The following SLC25A36 variants were observed in gnomAD, a reference collection of about 807,000 sequenced individuals.
SLC25A36 encodes the protein solute carrier family 25 member 36.
A neutral mutation model predicts 35.3 loss-of-function variants in SLC25A36; 24 were observed. The observed-to-expected ratio is 0.68, with a 90% CI of 0.49 to 0.96. The LOEUF is 0.96. Among genes scored for constraint, SLC25A36 ranks in the 40% least tolerant of loss-of-function variants. The pLI is 0.00. For missense variants in SLC25A36, 294 were observed against 381.1 expected (o/e 0.77, Z 1.90); for synonymous variants, 141 against 132.2 (o/e 1.07, Z -0.46).
chr3:140,962,851 G>A (rs955008987), intron 3 of SLC25A36, among the ~76,000 whole-genome samples: 2 of 151,090 alleles, frequency 1.3e-5, no homozygotes, highest in Admixed American at 6.6e-5. Flanking sequence ...TGGTTACCAA[G>A]TTTTAGTGAG....
chr3:140,955,642 A>G (rs963273319), intron 1 of SLC25A36, among the ~76,000 whole-genome samples: 1 of 152,138 alleles, frequency 6.6e-6, no homozygotes, highest in Non-Finnish European at 1.5e-5. Context: ...CCTACATTGT[A>G]CAGTTTTCCA....
At chr3:140,955,613 G>A (rs1384758627) in intron 1 of SLC25A36, among the ~76,000 whole-genome samples, 3 of 152,082 alleles carry the variant, frequency 2.0e-5, no homozygotes, top group Non-Finnish European at 4.4e-5. Flanking sequence ...ATTTAAGTTG[G>A]ATTCTTCTAA....
intron 3 of SLC25A36, among the ~76,000 whole-genome samples, chr3:140,962,862 T>C (rs986443139): frequency 2.6e-5 from 4 of 151,894 alleles, no homozygotes; most frequent in African/African-American, 9.7e-5. Context: ...TTTTAGTGAG[T>C]TAAGTGGCTG....
chr3:140,974,043 C>T (rs1430888848), intron 6 of SLC25A36, 38 bp downstream of exon 6: 17 of 1,393,902 alleles, frequency 1.2e-5, no homozygotes, highest in Non-Finnish European at 1.7e-5. Context: ...AATATTTTCC[C>T]ACCCCAGCCA....
chr3:140,969,849 A>C (rs183305147), intron 4 of SLC25A36, among the ~76,000 whole-genome samples: 1 of 151,952 alleles, frequency 6.6e-6, no homozygotes, highest in Admixed American at 6.6e-5. Flanking sequence ...AGCCACCTTT[A>C]TAAAAAGAAT....
intron 4 of SLC25A36, chr3:140,964,783 A>T (rs1361820011): frequency 6.6e-6 from 1 of 151,926 alleles, no homozygotes; most frequent in East Asian, 1.9e-4. Flanking sequence ...TATTTGTTAT[A>T]TCAGTATAGC....
intron 4 of SLC25A36, 184 bp downstream of exon 4, chr3:140,963,411 T>C: frequency 2.0e-6 from 1 of 490,788 alleles, no homozygotes; most frequent in South Asian, 2.6e-5. Context: ...GACATTTTTG[T>C]AGTCAGGAGT....
At chr3:140,959,565 A>C in intron 3 of SLC25A36, 25 bp downstream of exon 3, 3 of 1,249,176 alleles carry the variant, frequency 2.4e-6, no homozygotes, top group Non-Finnish European at 3.2e-6. Context: ...AAATTGTTTA[A>C]AGCAAGTTAT....
chr3:140,958,809 A>G (rs1438940756), intron 2 of SLC25A36, among the ~76,000 whole-genome samples: 1 of 152,160 alleles, frequency 6.6e-6, no homozygotes, highest in East Asian at 1.9e-4. Context: ...ATCGAAGATA[A>G]GAGTAGCATG....
Position 140,941,839 on chromosome 3 carries a change from C to T in SLC25A36, c.-216C>T, listed in dbSNP as rs1428483357. 1.9e-6 allele frequency: 1 copy of T among 516,042 alleles called. No homozygotes were observed. The highest frequency in any genetic ancestry group is 2.5e-5 in the South Asian group (1 of 40,762). The allele number at this position is 516,042 out of a possible 1,614,324, so 32.0% of individuals were successfully genotyped here. A position where few individuals can be genotyped will look rare whatever the true frequency, so the allele number is the denominator to read the frequency against. ...CGCGCTGCGCTGCGTCGCTTTCAGC[C>T]TCTGGTGAAGGGCGGCGCGCTTAGG... On this transcript the variant is annotated 5_prime_UTR_variant, in exon 1 of 7. Coordinates refer to ENST00000324194, the MANE Select transcript of SLC25A36 (RefSeq NM_001104647.3).
rs947703283 is a variant in SLC25A36, at chr3:140,979,755, A to G, written c.*3302A>G. ...TACCCCGTTTATGTGAAGAATTATG[A>G]CCTATCAGTCATAGCTAAATAGTGA... On this transcript the variant is annotated 3_prime_UTR_variant, in exon 7 of 7. Transcript: ENST00000324194. 1.3e-5 allele frequency: 2 copies of G among 152,098 alleles called. No homozygotes were observed. The highest frequency in any genetic ancestry group is 4.8e-5 in the African/African-American group (2 of 41,424). 9.4% of individuals were successfully genotyped at this position (152,098 alleles called of 1,614,324 possible). A position where few individuals can be genotyped will look rare whatever the true frequency, so the allele number is the denominator to read the frequency against.
At position 140,978,187 on chromosome 3, in the gene SLC25A36, T is replaced by C. The variant is rs1409740154; in HGVS notation, c.*1734T>C. 1 of 152,184 alleles carries C rather than the reference T, an allele frequency of 6.6e-6. No homozygotes were observed. The highest frequency in any genetic ancestry group is 2.4e-5 in the African/African-American group (1 of 41,450). The allele number at this position is 152,184 out of a possible 1,614,324, so 9.4% of individuals were successfully genotyped here. ...TGTGATCAACAGTAACTGGATGTTT[T>C]TGAGGTGCTCAATTGGAATAAAAAT... On this transcript the variant is annotated 3_prime_UTR_variant, in exon 7 of 7. Coordinates refer to ENST00000324194, the MANE Select transcript of SLC25A36 (RefSeq NM_001104647.3).
chr3:140,978,340 A>C lies in SLC25A36; in HGVS notation c.*1887A>C, dbSNP rs182041842. On this transcript the variant is annotated 3_prime_UTR_variant, in exon 7 of 7. Transcript: ENST00000324194. ...ACGTACCAAAAACCGGTTTGTAACA[A>C]ATCTGTAGAGAAGGTCTGAATCTAT... 1 of 152,188 alleles carries C rather than the reference A, an allele frequency of 6.6e-6. No individual in the cohort carries two copies. The highest frequency in any genetic ancestry group is 1.5e-5 in the Non-Finnish European group (1 of 68,024). 9.4% of individuals were successfully genotyped at this position (152,188 alleles called of 1,614,324 possible). A position where few individuals can be genotyped will look rare whatever the true frequency, so the allele number is the denominator to read the frequency against.
chr3:140,968,278 A>G (rs1458610541), intron 4 of SLC25A36: 3 of 839,116 alleles, frequency 3.6e-6, no homozygotes, highest in Non-Finnish European at 4.3e-6. Context: ...GTAAAGGGCT[A>G]ATAGCTAAAA....
In SLC25A36 at chr3:140,980,580, T is replaced by C. The variant is rs532215909; in HGVS notation, c.*4127T>C. On this transcript the variant is annotated 3_prime_UTR_variant, in exon 7 of 7. Coordinates refer to ENST00000324194, the MANE Select transcript of SLC25A36 (RefSeq NM_001104647.3). Reference sequence around the variant, plus strand: ...GTGTGTGTGTGTTTATTACTGAACATTGGGAGCCGTGATAGGGAAGTAATT... The same window carrying C: ...GTGTGTGTGTGTTTATTACTGAACACTGGGAGCCGTGATAGGGAAGTAATT... 1.2e-4 allele frequency among the ~76,000 whole-genome samples: 18 copies of C among 152,250 alleles called. No homozygotes were observed. Among genetic ancestry groups the C allele is most frequent in the Non-Finnish European group, 1.8e-4 (12 of 68,016 alleles).
Position 140,973,867 on chromosome 3 carries a change from CAAA to C in SLC25A36, c.607_609del (p.Lys203del). The C allele has an allele frequency of 6.2e-7, 1 of 1,613,142 alleles. No homozygotes were observed. The highest frequency in any genetic ancestry group is 8.5e-7 in the Non-Finnish European group (1 of 1,179,552). On this transcript the variant is annotated inframe_deletion, in exon 6 of 7. Coordinates refer to ENST00000324194, the MANE Select transcript of SLC25A36 (RefSeq NM_001104647.3). ...TTTTGTTATTTATGAAAGTATAAAACAAAAACTACTGGAATATAAGACTGCTTC... is the reference window on the plus strand; with the variant it reads ...TTTTGTTATTTATGAAAGTATAAAACAACTACTGGAATATAAGACTGCTTC...
chr3:140,944,100 A>C (rs1934100005), intron 1 of SLC25A36, among the ~76,000 whole-genome samples: 1 of 152,224 alleles, frequency 6.6e-6, no homozygotes, highest in African/African-American at 2.4e-5. Context: ...TACATAAGTG[A>C]GTTCAGTAAA....
chr3:140,961,855 CAAAAAAAAAAAAAAAAAAAA>C (rs553759457), intron 3 of SLC25A36, among the ~76,000 whole-genome samples: 1 of 35,832 alleles, frequency 2.8e-5, no homozygotes, highest in Non-Finnish European at 5.8e-5. Context: ...GGCTCCGTCT[CAAAAAAAAAAAAAAAAAAAA>C]AAAAAAAAAA....
chr3:140,974,013 G>C lies in SLC25A36; in HGVS notation c.742+8G>C. The C allele has an allele frequency of 6.6e-7, 1 of 1,504,114 alleles. No individual in the cohort carries two copies. The highest frequency in any genetic ancestry group is 8.9e-7 in the Non-Finnish European group (1 of 1,120,294). The allele number at this position is 1,504,114 out of a possible 1,614,324, so 93.2% of individuals were successfully genotyped here. ...CTATAGCATATCCACATGGTAAGAA[G>C]AGTTATCTATTAAATCAGAAATATT... is the stretch of plus-strand genomic sequence containing the variant. On this transcript the variant is annotated splice_region_variant and intron_variant, in intron 6 of 6. Transcript: ENST00000324194.
Sources: gnomAD v4.1 joint callset for allele counts (sites outside exome capture counted in the v4.1 genomes callset) on GRCh38, gnomAD v4.1.1 for gene constraint, MANE v1.5 for transcripts, NCBI Gene and HGNC (gene_info 2026-07-23, HGNC 2026-07-21) for gene names.